The following ERBB4 variants were observed in gnomAD, a reference collection of about 807,000 sequenced individuals.
ERBB4 encodes the protein receptor tyrosine-protein kinase erbB-4.
A neutral mutation model predicts 158.0 loss-of-function variants in ERBB4; 42 were observed. The observed-to-expected ratio is 0.27, with a 90% CI of 0.21 to 0.34. The LOEUF (loss-of-function observed/expected upper bound fraction) is 0.34. Ranked by LOEUF, ERBB4 falls within the 10% of genes least tolerant of loss-of-function variation. The pLI is 1.00. For synonymous variants in ERBB4, 583 were observed against 558.7 expected (o/e 1.04, Z -0.61); for missense variants, 1,333 against 1,624.1 (o/e 0.82, Z 3.08).
intron 1 of ERBB4, among the ~76,000 whole-genome samples, chr2:212,354,111 G>A (rs750462368): frequency 1.4e-4 from 22 of 151,940 alleles, no homozygotes; most frequent in Non-Finnish European, 2.9e-4. Context: ...ACCAATGAAG[G>A]CTCTTCATAT....
chr2:211,685,507 C>G (rs186325891), intron 12 of ERBB4, among the ~76,000 whole-genome samples: 1 of 152,174 alleles, frequency 6.6e-6, no homozygotes, highest in African/African-American at 2.4e-5. Context: ...TAACACACAG[C>G]CTTAATTATG....
At chr2:212,399,859 C>T (rs993909200) in intron 1 of ERBB4, among the ~76,000 whole-genome samples, 1 of 151,788 alleles carries the variant, frequency 6.6e-6, no homozygotes, top group African/African-American at 2.4e-5. Context: ...AGCCTGGTGA[C>T]AGAGCAAGAT....
chr2:212,522,437 A>G (rs188803344), intron 1 of ERBB4, among the ~76,000 whole-genome samples: 3 of 150,378 alleles, frequency 2.0e-5, no homozygotes, highest in African/African-American at 5.0e-5. Context: ...GAAAAGCGAT[A>G]AGTAAAACGT....
At chr2:211,730,493 C>T (rs1335408035) in intron 5 of ERBB4, among the ~76,000 whole-genome samples, 2 of 151,970 alleles carry the variant, frequency 1.3e-5, no homozygotes, top group Non-Finnish European at 2.9e-5. Context: ...TTCTCTCCTT[C>T]AGTGCCTTTT....
chr2:211,706,022 G>A (rs1186532589), intron 9 of ERBB4, among the ~76,000 whole-genome samples: 1 of 151,702 alleles, frequency 6.6e-6, no homozygotes, highest in Non-Finnish European at 1.5e-5. Flanking sequence ...TCGCTTCCAA[G>A]TATATGAATT....
intron 5 of ERBB4, among the ~76,000 whole-genome samples, chr2:211,749,218 T>C (rs1025422054): frequency 1.3e-5 from 2 of 152,280 alleles, no homozygotes; most frequent in Middle Eastern, 3.4e-3. Flanking sequence ...CCAACCTCTA[T>C]AGAAAATAAG....
chr2:211,967,604 G>A (rs2081341736), intron 2 of ERBB4, among the ~76,000 whole-genome samples: 1 of 151,900 alleles, frequency 6.6e-6, no homozygotes, highest in South Asian at 2.1e-4. Context: ...AACACCCTGT[G>A]AAAGGACCAA....
chr2:212,383,889 T>C (rs2090590426), intron 1 of ERBB4, among the ~76,000 whole-genome samples: 1 of 151,724 alleles, frequency 6.6e-6, no homozygotes, highest in African/African-American at 2.4e-5. Context: ...ACCACAGTTT[T>C]ACATTTCCAA....
chr2:211,717,266 T>G (rs984371269), intron 7 of ERBB4, among the ~76,000 whole-genome samples: 2 of 152,200 alleles, frequency 1.3e-5, no homozygotes, highest in Non-Finnish European at 2.9e-5. Flanking sequence ...GCCCTCAGTT[T>G]TGTAAGGATG....
intron 4 of ERBB4, among the ~76,000 whole-genome samples, chr2:211,783,805 C>G (rs1314654475): frequency 6.6e-6 from 1 of 152,076 alleles, no homozygotes; most frequent in Non-Finnish European, 1.5e-5. Context: ...TCAATGTTCA[C>G]CAGGGATATT....
intron 1 of ERBB4, among the ~76,000 whole-genome samples, chr2:212,459,139 A>G (rs1015777396): frequency 6.6e-6 from 1 of 152,164 alleles, no homozygotes; most frequent in Non-Finnish European, 1.5e-5. Flanking sequence ...TGGGTTTTAT[A>G]TATAAGAAAA....
intron 5 of ERBB4, among the ~76,000 whole-genome samples, chr2:211,745,715 G>GGAAA (rs1553623570): frequency 3.2e-5 from 3 of 94,392 alleles, no homozygotes; most frequent in African/African-American, 1.0e-4. Flanking sequence ...TCCACCGCCA[G>GGAAA]AAAAAAAACA....
intron 2 of ERBB4, 198 bp downstream of exon 2, chr2:212,124,554 A>G: frequency 1.7e-6 from 1 of 602,370 alleles, no homozygotes; most frequent in Non-Finnish European, 2.9e-6. Flanking sequence ...CTTTAAACTC[A>G]GGAGCGTCAG....
Position 212,057,904 on chromosome 2 carries a change from A to C in ERBB4, c.234+66848T>G, listed in dbSNP as rs538522400. ...GCAAGAGCAAACACATTCAAAAGCT[A>C]GCAGAAGGCAAGAAATAACTAAGAT... On this transcript the variant is annotated intron_variant, in intron 2 of 27. Transcript: ENST00000342788. Among the ~76,000 whole-genome samples the C allele has an allele frequency of 6.6e-5, 10 of 152,322 alleles. No individual in the cohort carries two copies. The East Asian group carries it at 1.7e-3, about 26-fold the overall frequency.
chr2:212,423,933 A>G (rs898578748), intron 1 of ERBB4, among the ~76,000 whole-genome samples: 1 of 152,154 alleles, frequency 6.6e-6, no homozygotes, highest in African/African-American at 2.4e-5. Context: ...CAAATTCCCA[A>G]AAGTTTATTA....
chr2:212,505,693 G>C (rs1429296280), intron 1 of ERBB4, among the ~76,000 whole-genome samples: 1 of 148,728 alleles, frequency 6.7e-6, no homozygotes, highest in Non-Finnish European at 1.5e-5. Flanking sequence ...TGTAAAAGTA[G>C]GGGATACCCC....
chr2:212,326,084 AGAGACTGTG>A (rs952864749), intron 1 of ERBB4, among the ~76,000 whole-genome samples: 7 of 150,590 alleles, frequency 4.6e-5, no homozygotes, highest in Non-Finnish European at 8.9e-5. Context: ...AGTATAATCC[AGAGACTGTG>A]GACCCCAAAT....
At chr2:212,529,677 C>G (rs1575089358) in intron 1 of ERBB4, among the ~76,000 whole-genome samples, 1 of 152,038 alleles carries the variant, frequency 6.6e-6, no homozygotes, top group East Asian at 1.9e-4. Flanking sequence ...TATGTGGCAC[C>G]ACATTAGTCT....
intron 3 of ERBB4, among the ~76,000 whole-genome samples, chr2:211,830,819 AT>A (rs1054779707): frequency 1.3e-5 from 2 of 152,132 alleles, no homozygotes. Flanking sequence ...TTTTAATTAT[AT>A]TTTTATTAAT....
Sources: allele counts gnomAD v4.1 joint callset (sites outside exome capture counted in the v4.1 genomes callset), GRCh38; gene constraint gnomAD v4.1.1; transcripts MANE v1.5; gene names NCBI Gene and HGNC (gene_info 2026-07-23, HGNC 2026-07-21).